The following AGBL4 variants were observed in gnomAD, a reference collection of about 807,000 sequenced individuals.
The protein encoded by AGBL4 is AGBL carboxypeptidase 4.
In AGBL4, 58 loss-of-function variants were observed where a neutral mutation model predicts 66.4. That is an observed-to-expected ratio of 0.87 (90% CI 0.71 to 1.09). The LOEUF is 1.09. AGBL4 is among the 50% of genes least tolerant of loss of function. The pLI is 0.00. For synonymous variants in AGBL4, 234 were observed against 222.9 expected, an observed-to-expected ratio of 1.05 and a Z score of -0.44; for missense variants, 579 against 631.0, an observed-to-expected ratio of 0.92 and a Z score of 0.88.
intron 3 of AGBL4, among the ~76,000 whole-genome samples, chr1:49,554,685 C>G (rs1653262237): frequency 6.6e-6 from 1 of 152,222 alleles, no homozygotes; most frequent in African/African-American, 2.4e-5. Context: ...TCGCTGACTT[C>G]AAGAATGAAG....
chr1:48,822,961 T>C (rs190994728), intron 6 of AGBL4, among the ~76,000 whole-genome samples: 10 of 152,362 alleles, frequency 6.6e-5, no homozygotes, highest in Admixed American at 6.5e-4. Flanking sequence ...ATTTGAGAGA[T>C]AGAATGCAAA....
intron 3 of AGBL4, among the ~76,000 whole-genome samples, chr1:49,314,028 T>C (rs1469989069): frequency 6.6e-6 from 1 of 152,234 alleles, no homozygotes; most frequent in African/African-American, 2.4e-5. Flanking sequence ...TTAATCCATC[T>C]TGAGTTAATT....
At chr1:49,828,860 G>A (rs1212307507) in intron 2 of AGBL4, among the ~76,000 whole-genome samples, 1 of 152,068 alleles carries the variant, frequency 6.6e-6, no homozygotes, top group Non-Finnish European at 1.5e-5. Context: ...CACGAGGTCA[G>A]GAGATCAAGA....
chr1:49,546,898 G>T (rs1445569078), intron 3 of AGBL4, among the ~76,000 whole-genome samples: 1 of 152,098 alleles, frequency 6.6e-6, no homozygotes, highest in Non-Finnish European at 1.5e-5. Context: ...TAGATTCTGG[G>T]TATGAGTCCT....
chr1:49,775,242 A>G (rs114276926), intron 2 of AGBL4, among the ~76,000 whole-genome samples: 29 of 152,318 alleles, frequency 1.9e-4, no homozygotes, highest in African/African-American at 6.5e-4. Context: ...TAACTATCCC[A>G]GTGCTCAGTG....
chr1:48,726,395 C>T (rs773157745), intron 6 of AGBL4, among the ~76,000 whole-genome samples: 1 of 152,158 alleles, frequency 6.6e-6, no homozygotes, highest in Non-Finnish European at 1.5e-5. Flanking sequence ...CATGCCTGAG[C>T]TTCCCCATGC....
At chr1:49,289,814 C>T (rs1163146080) in intron 3 of AGBL4, among the ~76,000 whole-genome samples, 1 of 151,932 alleles carries the variant, frequency 6.6e-6, no homozygotes, top group Non-Finnish European at 1.5e-5. Context: ...CTAAACAAAA[C>T]AACCCAAAGT....
intron 4 of AGBL4, among the ~76,000 whole-genome samples, chr1:49,116,476 T>C (rs1378338683): frequency 6.6e-6 from 1 of 152,216 alleles, no homozygotes; most frequent in Admixed American, 6.5e-5. Flanking sequence ...TGGTGTTTGA[T>C]TTTTTGTCCT....
Position 48,650,256 on chromosome 1 carries a change from C to T in AGBL4, c.839+3081G>A, listed in dbSNP as rs780557039. ...CGCTCCTCACAGGCCACAGACCTCACGGGGATGACTTAACTTCTCTGAGGC... is the reference window on the plus strand; with the variant it reads ...CGCTCCTCACAGGCCACAGACCTCATGGGGATGACTTAACTTCTCTGAGGC... On this transcript the variant is annotated intron_variant, in intron 8 of 13. Transcript: ENST00000371839. Among the ~76,000 whole-genome samples the T allele has an allele frequency of 1.2e-4, 18 of 152,334 alleles. No homozygotes were observed. The South Asian group carries it at 1.9e-3, about 16-fold the overall frequency.
intron 6 of AGBL4, among the ~76,000 whole-genome samples, chr1:48,704,484 AAC>A (rs1433868335): frequency 2.0e-5 from 3 of 152,232 alleles, no homozygotes; most frequent in Non-Finnish European, 4.4e-5. Flanking sequence ...TTAAAATACA[AAC>A]ACATTGTACT....
intron 9 of AGBL4, among the ~76,000 whole-genome samples, chr1:48,614,706 C>A (rs186393482): frequency 6.6e-6 from 1 of 152,130 alleles, no homozygotes; most frequent in Non-Finnish European, 1.5e-5. Context: ...CTTAACCCAA[C>A]AAAACTACAT....
At chr1:48,778,039 A>G (rs573501066) in intron 6 of AGBL4, among the ~76,000 whole-genome samples, 181 of 152,304 alleles carry the variant, frequency 1.2e-3, no homozygotes, top group African/African-American at 4.0e-3. Flanking sequence ...GATGCCTCGT[A>G]TCAAATATGG....
chr1:48,623,888 G>A (rs1023870823), intron 9 of AGBL4, among the ~76,000 whole-genome samples: 1 of 152,178 alleles, frequency 6.6e-6, no homozygotes, highest in South Asian at 2.1e-4. Flanking sequence ...GTAAACTGGA[G>A]TAGTTTGGTA....
chr1:48,594,927 C>T (rs945778995), intron 9 of AGBL4, among the ~76,000 whole-genome samples: 1 of 152,062 alleles, frequency 6.6e-6, no homozygotes. Flanking sequence ...ATGATGATAT[C>T]CTAAGAAGAA....
chr1:49,795,681 A>G (rs993154490), intron 2 of AGBL4, among the ~76,000 whole-genome samples: 2 of 151,868 alleles, frequency 1.3e-5, no homozygotes, highest in African/African-American at 4.8e-5. Flanking sequence ...AAGATATAAT[A>G]AAGGGAACAT....
intron 5 of AGBL4, among the ~76,000 whole-genome samples, chr1:49,013,823 G>C (rs547182154): frequency 1.3e-5 from 2 of 152,226 alleles, no homozygotes; most frequent in South Asian, 4.2e-4. Context: ...TTCACAGTTT[G>C]GAAGTACATG....
At chr1:49,229,880 T>G (rs1650176023) in intron 4 of AGBL4, among the ~76,000 whole-genome samples, 1 of 151,538 alleles carries the variant, frequency 6.6e-6, no homozygotes, top group Admixed American at 6.6e-5. Context: ...TAAAGGCAGG[T>G]GTGTAGGGAA....
chr1:49,409,627 GCTGA>G (rs976965666), intron 3 of AGBL4, among the ~76,000 whole-genome samples: 17 of 152,162 alleles, frequency 1.1e-4, no homozygotes, highest in South Asian at 4.1e-4. Context: ...TTACTCTGGC[GCTGA>G]CTATCTTTGT....
At chr1:49,690,876 C>T (rs763507755) in intron 3 of AGBL4, among the ~76,000 whole-genome samples, 2 of 152,008 alleles carry the variant, frequency 1.3e-5, no homozygotes, top group African/African-American at 4.8e-5. Context: ...TACTATTAAC[C>T]CCACTGAATA....
Sources: gnomAD v4.1 joint callset for allele counts (sites outside exome capture counted in the v4.1 genomes callset) on GRCh38, gnomAD v4.1.1 for gene constraint, MANE v1.5 for transcripts, NCBI Gene and HGNC (gene_info 2026-07-23, HGNC 2026-07-21) for gene names.